The following CADPS variants were observed in gnomAD, a reference collection of about 807,000 sequenced individuals.
CADPS encodes calcium dependent secretion activator.
Under a neutral mutation model 167.3 loss-of-function variants are expected in CADPS, and 57 were observed. The observed-to-expected ratio is 0.34, with a 90% CI of 0.28 to 0.42. CADPS has a LOEUF of 0.42. Ranked by LOEUF, CADPS falls within the 20% of genes least tolerant of loss-of-function variation. The pLI, the probability that CADPS is intolerant of heterozygous loss-of-function variation, is 1.00. For missense variants in CADPS, 1,414 were observed against 1,738.1 expected (o/e 0.81, Z 3.32); for synonymous variants, 676 against 635.3 (o/e 1.06, Z -0.96).
chr3:62,423,175 CAGA>C (rs2051839667), intron 28 of CADPS, among the ~76,000 whole-genome samples: 2 of 152,184 alleles, frequency 1.3e-5, no homozygotes, highest in South Asian at 4.1e-4. Flanking sequence ...AAGTGGGTTA[CAGA>C]AGTGCTTTCT....
chr3:62,752,702 C>A (rs1228653003), intron 3 of CADPS, among the ~76,000 whole-genome samples: 1 of 152,174 alleles, frequency 6.6e-6, no homozygotes, highest in Non-Finnish European at 1.5e-5. Flanking sequence ...TCTGAGGCTG[C>A]AGAATGAGAA....
chr3:62,813,880 CAT>C (rs1362847223), intron 1 of CADPS, among the ~76,000 whole-genome samples: 5 of 152,076 alleles, frequency 3.3e-5, no homozygotes, highest in Admixed American at 2.6e-4. Context: ...CCAAATCTCA[CAT>C]GTTTGCCTTG....
chr3:62,574,798 C>T (rs6773596), intron 8 of CADPS, among the ~76,000 whole-genome samples: 25,641 of 152,082 alleles, frequency 0.17, 2,436 homozygotes, highest in South Asian at 0.29. Context: ...GAGGATTAAA[C>T]GAGACAGTGC....
chr3:62,424,074 T>G (rs1432843757), intron 28 of CADPS, among the ~76,000 whole-genome samples: 2 of 152,210 alleles, frequency 1.3e-5, no homozygotes, highest in Non-Finnish European at 2.9e-5. Context: ...GCTTTCAGAA[T>G]GTGCTTTGGG....
At chr3:62,648,302 C>A (rs1312999176) in intron 5 of CADPS, among the ~76,000 whole-genome samples, 1 of 152,140 alleles carries the variant, frequency 6.6e-6, no homozygotes, top group Non-Finnish European at 1.5e-5. Flanking sequence ...CCATCTGAAT[C>A]AGGTACACAT....
At chr3:62,628,443 T>C (rs2064546868) in intron 6 of CADPS, among the ~76,000 whole-genome samples, 1 of 152,134 alleles carries the variant, frequency 6.6e-6, no homozygotes. Flanking sequence ...AATCTAGTAA[T>C]ATGCTTTGTA....
chr3:62,718,410 T>A (rs2075100070), intron 3 of CADPS, among the ~76,000 whole-genome samples: 1 of 152,250 alleles, frequency 6.6e-6, no homozygotes, highest in African/African-American at 2.4e-5. Context: ...AAAGAGTTTC[T>A]AGACTGTTAT....
intron 17 of CADPS, among the ~76,000 whole-genome samples, chr3:62,509,303 AAAAAG>A (rs2067280496): frequency 8.0e-6 from 1 of 124,510 alleles, no homozygotes; most frequent in African/African-American, 2.9e-5. Flanking sequence ...AAAAAAAAAA[AAAAAG>A]AAAGAAAGAA....
At position 62,543,356 on chromosome 3, in the gene CADPS, C is replaced by G. The variant is rs2075999842; in HGVS notation, c.1966+6547G>C. On this transcript the variant is annotated intron_variant, in intron 11 of 29. Coordinates refer to ENST00000383710, the MANE Select transcript of CADPS (RefSeq NM_003716.4). ...TTAAGGCAAACAATTGTTTAAAAAT[C>G]TACTAGGATAGCAATGCGTTGTTGT... 1.3e-5 allele frequency among the ~76,000 whole-genome samples: 2 copies of G among 152,134 alleles called. 1 individual carries two copies. Among genetic ancestry groups the G allele is most frequent in the South Asian group, 4.1e-4 (2 of 4,836 alleles).
At chr3:62,426,635 G>A (rs1298927136) in intron 28 of CADPS, among the ~76,000 whole-genome samples, 1 of 152,198 alleles carries the variant, frequency 6.6e-6, no homozygotes, top group Admixed American at 6.5e-5. Context: ...AGAAAATTGA[G>A]TCTTGGAGAG....
intron 3 of CADPS, among the ~76,000 whole-genome samples, chr3:62,665,259 T>C (rs1314334859): frequency 6.6e-6 from 1 of 152,248 alleles, no homozygotes; most frequent in Non-Finnish European, 1.5e-5. Flanking sequence ...GGAGAAATTC[T>C]AGAGTAAATA....
chr3:62,847,079 T>C (rs914187445), intron 1 of CADPS, among the ~76,000 whole-genome samples: 1 of 152,204 alleles, frequency 6.6e-6, no homozygotes, highest in African/African-American at 2.4e-5. Context: ...TGTGCCTTCT[T>C]TGGGCAGTGA....
chr3:62,687,111 A>G (rs17066808), intron 3 of CADPS, among the ~76,000 whole-genome samples: 9,188 of 152,200 alleles, frequency 0.06, 337 homozygotes, highest in South Asian at 0.094. Flanking sequence ...CACCGAAAGG[A>G]GATTTGTTAT....
intron 28 of CADPS, among the ~76,000 whole-genome samples, chr3:62,422,182 ACCCTTCTG>A (rs1270530632): frequency 6.6e-6 from 1 of 152,026 alleles, no homozygotes; most frequent in Non-Finnish European, 1.5e-5. Flanking sequence ...ACATCCACTT[ACCCTTCTG>A]CCTCAGTTAC....
intron 26 of CADPS, among the ~76,000 whole-genome samples, chr3:62,452,297 G>A (rs184734518): frequency 2.0e-5 from 3 of 152,192 alleles, no homozygotes; most frequent in East Asian, 3.9e-4. Context: ...TGTATATTAA[G>A]GTTGGTCTGA....
chr3:62,793,135 T>C (rs1028603016), intron 1 of CADPS, among the ~76,000 whole-genome samples: 13 of 152,188 alleles, frequency 8.5e-5, no homozygotes, highest in African/African-American at 2.9e-4. Flanking sequence ...CACAAATTAG[T>C]ACTACCCCTA....
At chr3:62,427,585 A>C (rs1410211449) in intron 28 of CADPS, among the ~76,000 whole-genome samples, 1 of 152,004 alleles carries the variant, frequency 6.6e-6, no homozygotes, top group East Asian at 1.9e-4. Flanking sequence ...CCAACCCCCG[A>C]GTTGTAGCAA....
chr3:62,610,638 T>C (rs2061380291), intron 6 of CADPS, among the ~76,000 whole-genome samples: 1 of 152,164 alleles, frequency 6.6e-6, no homozygotes, highest in African/African-American at 2.4e-5. Flanking sequence ...CATAATCAGC[T>C]TACCATTAAA....
chr3:62,693,594 C>T (rs564135550), intron 3 of CADPS, among the ~76,000 whole-genome samples: 1 of 151,896 alleles, frequency 6.6e-6, no homozygotes, highest in African/African-American at 2.4e-5. Context: ...CCAACCTGGG[C>T]AATATGGTGA....
Sources: gnomAD v4.1 joint callset for allele counts (sites outside exome capture counted in the v4.1 genomes callset) on GRCh38, gnomAD v4.1.1 for gene constraint, MANE v1.5 for transcripts, NCBI Gene and HGNC (gene_info 2026-07-23, HGNC 2026-07-21) for gene names.